PARD3B: variants seen among roughly 807,000 people sequenced by gnomAD.
The protein encoded by PARD3B is partitioning defective 3 homolog B.
A neutral mutation model predicts 130.2 loss-of-function variants in PARD3B; 103 were observed. That is an observed-to-expected ratio of 0.79 (90% confidence interval 0.67 to 0.93). The LOEUF is 0.93. Among genes scored for constraint, PARD3B ranks in the 40% least tolerant of loss-of-function variants. The probability of loss-of-function intolerance (pLI) is 0.00; values close to 1 mark genes in which losing one functional copy is unlikely to be tolerated. For synonymous variants in PARD3B, 583 were observed against 553.2 expected, an observed-to-expected ratio of 1.05 and a Z score of -0.76; for missense variants, 1,609 against 1,499.2, an observed-to-expected ratio of 1.07 and a Z score of -1.21.
intron 4 of PARD3B, among the ~76,000 whole-genome samples, chr2:205,049,775 A>G (rs1027733765): frequency 6.6e-6 from 1 of 152,188 alleles, no homozygotes; most frequent in Non-Finnish European, 1.5e-5. Context: ...GCTGGCGCCC[A>G]AAATCCTTGT....
intron 18 of PARD3B, among the ~76,000 whole-genome samples, chr2:205,398,437 A>G (rs566078109): frequency 2.0e-5 from 3 of 152,330 alleles, no homozygotes; most frequent in East Asian, 3.9e-4. Flanking sequence ...AAGAGAGAAA[A>G]GGACAAAAAA....
chr2:205,593,929 G>A (rs1401198820), intron 22 of PARD3B, among the ~76,000 whole-genome samples: 1 of 152,162 alleles, frequency 6.6e-6, no homozygotes, highest in East Asian at 1.9e-4. Flanking sequence ...CCAATGTGCT[G>A]TCACCCATAT....
intron 2 of PARD3B, among the ~76,000 whole-genome samples, chr2:204,840,311 A>G (rs2044213420): frequency 6.6e-6 from 1 of 152,162 alleles, no homozygotes; most frequent in Non-Finnish European, 1.5e-5. Flanking sequence ...ATATTTTAGG[A>G]AAACTTTTAC....
intron 16 of PARD3B, among the ~76,000 whole-genome samples, chr2:205,290,987 C>T (rs1287959190): frequency 6.6e-6 from 1 of 152,182 alleles, no homozygotes; most frequent in Admixed American, 6.5e-5. Flanking sequence ...TGGAGAAATA[C>T]ATTTCTGTTG....
At position 205,510,540 on chromosome 2, in the gene PARD3B, A is replaced by G. The variant is rs537282730; in HGVS notation, c.3180+10509A>G. ...TCCATTGGTCCAAAGGTCAATATCT[A>G]TTTCCCTCTCTCCCACACACATACT... is the stretch of plus-strand genomic sequence containing the variant. On this transcript the variant is annotated intron_variant, in intron 21 of 22. Coordinates refer to ENST00000406610, the MANE Select transcript of PARD3B (RefSeq NM_001302769.2). Among the ~76,000 whole-genome samples the G allele has an allele frequency of 5.9e-5, 9 of 152,154 alleles. No individual in the cohort carries two copies. The South Asian group carries it at 6.2e-4, about 11-fold the overall frequency.
intron 2 of PARD3B, among the ~76,000 whole-genome samples, chr2:204,896,032 G>A (rs1266019670): frequency 3.3e-5 from 5 of 152,008 alleles, no homozygotes; most frequent in African/African-American, 7.3e-5. Flanking sequence ...TTCTTCAACC[G>A]TAAGCACTTT....
rs915524044 is a variant in PARD3B at position 205,575,442 on chromosome 2, G to A, written c.3260+22039G>A. 6.6e-6 allele frequency among the ~76,000 whole-genome samples: 1 copy of A among 151,722 alleles called. No homozygotes were observed. The highest frequency in any genetic ancestry group is 1.5e-5 in the Non-Finnish European group (1 of 67,940). On this transcript the variant is annotated intron_variant, in intron 22 of 22. Coordinates refer to ENST00000406610, the MANE Select transcript of PARD3B (RefSeq NM_001302769.2). The surrounding 1 kb of genome is among the most constrained non-coding windows in gnomAD (Gnocchi z 4.6). ...CGGTGTTGTTCATTCTGTGGGTTTG[G>A]ACAAGTGTATAATGACATGTATGTA...
At chr2:205,389,158 A>G (rs1334182360) in intron 18 of PARD3B, among the ~76,000 whole-genome samples, 3 of 152,090 alleles carry the variant, frequency 2.0e-5, no homozygotes, top group Non-Finnish European at 4.4e-5. Flanking sequence ...GTTTATTGGT[A>G]GTTGAGAATC....
At chr2:204,651,429 C>T (rs963320390) in intron 1 of PARD3B, among the ~76,000 whole-genome samples, 21 of 152,244 alleles carry the variant, frequency 1.4e-4, no homozygotes, top group Middle Eastern at 3.2e-3. Context: ...AAATAATCTC[C>T]GTTAACTCTG....
intron 22 of PARD3B, among the ~76,000 whole-genome samples, chr2:205,559,700 G>A (rs2053058236): frequency 6.8e-6 from 1 of 147,194 alleles, no homozygotes. Flanking sequence ...CCAAGTTCAA[G>A]CGATTCTCCT....
At chr2:205,453,280 G>C (rs993330322) in intron 20 of PARD3B, among the ~76,000 whole-genome samples, 4 of 152,094 alleles carry the variant, frequency 2.6e-5, no homozygotes, top group Non-Finnish European at 5.9e-5. Flanking sequence ...ATGCACAAAG[G>C]CCCACAGAGA....
intron 20 of PARD3B, among the ~76,000 whole-genome samples, chr2:205,459,896 T>G (rs1358428406): frequency 6.6e-6 from 1 of 152,218 alleles, no homozygotes; most frequent in Non-Finnish European, 1.5e-5. Context: ...GCCACTGCTT[T>G]GCACTCACTG....
intron 2 of PARD3B, among the ~76,000 whole-genome samples, chr2:204,875,727 C>G (rs985635587): frequency 1.3e-5 from 2 of 152,168 alleles, no homozygotes; most frequent in African/African-American, 4.8e-5. Context: ...TGAGTTTTTA[C>G]AAGTTCGTTA....
At chr2:204,644,922 A>AT (rs60272482) in intron 1 of PARD3B, among the ~76,000 whole-genome samples, 64 of 148,832 alleles carry the variant, frequency 4.3e-4, no homozygotes, top group South Asian at 1.3e-3. Context: ...GAACCAGTAA[A>AT]TTTTTTTTTT....
At chr2:204,999,358 AT>A (rs1244571811) in intron 3 of PARD3B, among the ~76,000 whole-genome samples, 1 of 152,192 alleles carries the variant, frequency 6.6e-6, no homozygotes, top group African/African-American at 2.4e-5. Flanking sequence ...CTTAAGAATG[AT>A]TTTTTTAAAA....
At chr2:205,262,885 A>G (rs564493444) in intron 16 of PARD3B, among the ~76,000 whole-genome samples, 1 of 152,216 alleles carries the variant, frequency 6.6e-6, no homozygotes, top group African/African-American at 2.4e-5. Flanking sequence ...CTTAAAAATT[A>G]TATTTCTGGA....
chr2:204,882,136 A>G (rs1373342881), intron 2 of PARD3B, among the ~76,000 whole-genome samples: 14 of 152,182 alleles, frequency 9.2e-5, no homozygotes, highest in Non-Finnish European at 8.8e-5. Context: ...CCTTTGGAAT[A>G]CAATCACTGG....
At chr2:205,502,542 A>G (rs539698361) in intron 21 of PARD3B, among the ~76,000 whole-genome samples, 1 of 152,296 alleles carries the variant, frequency 6.6e-6, no homozygotes, top group South Asian at 2.1e-4. Flanking sequence ...CATCATCAGA[A>G]ATATTGTTAT....
At chr2:205,611,564 G>A (rs548667535) in intron 22 of PARD3B, among the ~76,000 whole-genome samples, 1 of 152,114 alleles carries the variant, frequency 6.6e-6, no homozygotes, top group African/African-American at 2.4e-5. Context: ...TCTTTATTGC[G>A]TGCATCTATG....
Sources: gnomAD v4.1 joint callset for allele counts (sites outside exome capture counted in the v4.1 genomes callset) on GRCh38, gnomAD v4.1.1 for gene constraint, Gnocchi (gnomAD v3.1) non-coding constraint, MANE v1.5 for transcripts, NCBI Gene and HGNC (gene_info 2026-07-23, HGNC 2026-07-21) for gene names.